The following RAB40A variants were observed in gnomAD, a reference collection of about 807,000 sequenced individuals.
RAB40A encodes RAB40A, member RAS oncogene family.
For missense variants in RAB40A, 145 were observed against 230.2 expected (o/e 0.63, Z 2.40); for synonymous variants, 65 against 99.9 (o/e 0.65, Z 2.08).
intron 2 of RAB40A, among the ~76,000 whole-genome samples, chrX:103,512,253 G>A (rs2073294403): frequency 9.0e-6 from 1 of 111,438 alleles, no homozygotes; most frequent in South Asian, 3.7e-4. Context: ...ACAAGTTTGT[G>A]GTACTATGTA....
At chrX:103,497,346 T>G (rs1245165504), downstream of RAB40A, among the ~76,000 whole-genome samples, 1 of 110,000 alleles carries the variant, frequency 9.1e-6, no homozygotes, top group Non-Finnish European at 1.9e-5. Flanking sequence ...TGGGGATGGA[T>G]AGATGGATGG....
intron 2 of RAB40A, chrX:103,503,274 T>C: frequency 1.3e-6 from 1 of 752,469 alleles, no homozygotes. Flanking sequence ...AGGATAGAGG[T>C]CACAGGAGCA....
At chrX:103,506,425 A>T (rs774759017) in intron 2 of RAB40A, among the ~76,000 whole-genome samples, 25 of 112,117 alleles carry the variant, frequency 2.2e-4, no homozygotes, top group Non-Finnish European at 4.5e-4. Flanking sequence ...CTTTTAAAAA[A>T]ATATATGATT....
chrX:103,508,324 G>C (rs1391300096), intron 2 of RAB40A, among the ~76,000 whole-genome samples: 1 of 111,668 alleles, frequency 9.0e-6, no homozygotes, highest in Non-Finnish European at 1.9e-5. Context: ...TCCTAGGGAG[G>C]GTGAAGGATG....
chrX:103,511,701 G>A (rs1347868826), intron 2 of RAB40A, among the ~76,000 whole-genome samples: 10 of 109,596 alleles, frequency 9.1e-5, no homozygotes, highest in Admixed American at 8.7e-4. Context: ...CTGTTAGGGG[G>A]TGGGGGCTAG....
intron 2 of RAB40A, among the ~76,000 whole-genome samples, chrX:103,504,971 G>T (rs752542244): frequency 2.0e-4 from 22 of 112,000 alleles, no homozygotes; most frequent in Non-Finnish European, 4.1e-4. Context: ...AGTAAAAAAG[G>T]GAAAGAAATA....
At chrX:103,504,415 A>AT (rs1220740607) in intron 2 of RAB40A, among the ~76,000 whole-genome samples, 3 of 111,611 alleles carry the variant, frequency 2.7e-5, no homozygotes, top group Non-Finnish European at 5.6e-5. Context: ...AGACAGCAAC[A>AT]TTTTTTCAAA....
chrX:103,502,529 G>A, intron 2 of RAB40A: 1 of 151,890 alleles, frequency 6.6e-6, no homozygotes. Flanking sequence ...TAAGGGATCA[G>A]CCAACTCATA....
chrX:103,512,493 C>T (rs967054640), intron 2 of RAB40A, among the ~76,000 whole-genome samples: 2 of 111,112 alleles, frequency 1.8e-5, no homozygotes, highest in Admixed American at 9.6e-5. Flanking sequence ...TGGAAACAAC[C>T]GCTCCTCTTT....
At chrX:103,518,018 G>A in intron 1 of RAB40A, among the ~76,000 whole-genome samples, 1 of 111,794 alleles carries the variant, frequency 8.9e-6, no homozygotes, top group East Asian at 2.8e-4. Context: ...AATTTAAATG[G>A]AATTTTAAAT....
In RAB40A at chrX:103,500,446, C is replaced by G; in HGVS notation, c.311G>C (p.Gly104Ala). ...YDIANRWSFEGMDRWIKKIEE... is the reference protein window; with the variant it reads ...YDIANRWSFEAMDRWIKKIEE... ...AATCTTCTTAATCCATCGATCCATA[C>G]CCTCGAAAGACCAGCGGTTTGCAAT... The change falls in exon 3 of 3, where the codon GGT (glycine) becomes GCT (alanine). Residue 104 changes from glycine to alanine, a missense_variant. By Grantham distance (60) the Gly-to-Ala change is moderately conservative (BLOSUM62 0). Coordinates refer to ENST00000304236, the MANE Select transcript of RAB40A (RefSeq NM_080879.3). The G allele has an allele frequency of 8.3e-7, 1 of 1,210,776 alleles. No homozygotes were observed. The highest frequency in any genetic ancestry group is 1.1e-6 in the Non-Finnish European group (1 of 894,988).
intron 1 of RAB40A, among the ~76,000 whole-genome samples, chrX:103,518,928 T>C (rs1032929202): frequency 8.9e-6 from 1 of 111,900 alleles, no homozygotes; most frequent in Non-Finnish European, 1.9e-5. Context: ...TTATGACCTT[T>C]AATGAATATA....
At chrX:103,508,562 A>G (rs2073269265) in intron 2 of RAB40A, among the ~76,000 whole-genome samples, 1 of 112,377 alleles carries the variant, frequency 8.9e-6, no homozygotes, top group Non-Finnish European at 1.9e-5. Flanking sequence ...TTAGGTAGTC[A>G]TTATGAAAAA....
In RAB40A at chrX:103,499,530, A is replaced by G. The variant is rs1183425031; in HGVS notation, c.*393T>C. The G allele has an allele frequency of 1.2e-5, 3 of 248,110 alleles. No homozygotes were observed. Among genetic ancestry groups the G allele is most frequent in the Non-Finnish European group, 2.2e-5 (3 of 136,820 alleles). 20.4% of individuals were successfully genotyped at this position (248,110 alleles called of 1,213,427 possible). On this transcript the variant is annotated 3_prime_UTR_variant, in exon 3 of 3. Coordinates refer to ENST00000304236, the MANE Select transcript of RAB40A (RefSeq NM_080879.3). ...CTATCGATGACTGAATTATCTCACT[A>G]TCATTGCTTCTCAAATTTCCTTGAA...
In RAB40A at chrX:103,500,491, C is replaced by T; in HGVS notation, c.266G>A (p.Gly89Glu). ...IFRSYSRGAQ[G>E]VILVYDIANR... ...TGCAATGTCGTAGACCAGGATCACT[C>T]CTTGTGCACCACGAGAGTAGGAGCG... is the stretch of plus-strand genomic sequence containing the variant. The change falls in exon 3 of 3, where the codon GGA (glycine) becomes GAA (glutamate). Residue 89 changes from glycine to glutamate, a missense_variant. Transcript: ENST00000304236. 8.3e-7 allele frequency: 1 copy of T among 1,211,490 alleles called. No individual in the cohort carries two copies. Among genetic ancestry groups the T allele is most frequent in the Non-Finnish European group, 1.1e-6 (1 of 895,284 alleles).
intron 2 of RAB40A, among the ~76,000 whole-genome samples, chrX:103,511,595 A>G (rs1185544656): frequency 9.0e-6 from 1 of 111,211 alleles, no homozygotes; most frequent in African/African-American, 3.3e-5. Flanking sequence ...ACTAACACAA[A>G]AACAGAAAAC....
At chrX:103,493,728 TC>T in the RAB40A span, among the ~76,000 whole-genome samples, 2 of 112,142 alleles carry the variant, frequency 1.8e-5, no homozygotes, top group Non-Finnish European at 3.8e-5. Context: ...CATAATGACT[TC>T]CAGTTCCATC....
At chrX:103,512,950 C>A (rs2073298569) in intron 2 of RAB40A, among the ~76,000 whole-genome samples, 1 of 111,317 alleles carries the variant, frequency 9.0e-6, no homozygotes, top group Admixed American at 9.6e-5. Context: ...AATACCCCTG[C>A]CCTTTTCAAG....
At chrX:103,504,886 G>A (rs1428024621) in intron 2 of RAB40A, among the ~76,000 whole-genome samples, 2 of 112,236 alleles carry the variant, frequency 1.8e-5, no homozygotes, top group Non-Finnish European at 1.9e-5. Flanking sequence ...TAATCTTAAA[G>A]AAGGGGAAAT....
Sources: allele counts gnomAD v4.1 joint callset (sites outside exome capture counted in the v4.1 genomes callset), GRCh38; gene constraint gnomAD v4.1.1; transcripts MANE v1.5; gene names NCBI Gene and HGNC (gene_info 2026-07-23, HGNC 2026-07-21).